Variants in RASA2 observed in about 807,000 individuals in gnomAD.
RASA2 encodes ras GTPase-activating protein 2.
RASA2 carries 155 observed loss-of-function variants against 118.2 expected under a neutral mutation model. The ratio of observed to expected loss-of-function variants is 1.31; its 90% CI spans 1.15 to 1.50. The LOEUF (loss-of-function observed/expected upper bound fraction) is 1.50. RASA2 is among the 40% of genes most tolerant of loss of function. The pLI, the probability that RASA2 is intolerant of heterozygous loss-of-function variation, is 0.00. For synonymous variants in RASA2, 353 were observed against 349.1 expected (o/e 1.01, Z -0.12); for missense variants, 1,016 against 1,009.6 (o/e 1.01, Z -0.09).
At chr3:141,542,398 A>G (rs975334763) in intron 5 of RASA2, among the ~76,000 whole-genome samples, 1 of 152,182 alleles carries the variant, frequency 6.6e-6, no homozygotes, top group African/African-American at 2.4e-5. Context: ...ATAATTTGGT[A>G]GATACTGTTA....
chr3:141,608,594 CA>C lies in RASA2; in HGVS notation c.2126del (p.Asn709ThrfsTer12). ...ACTCTGCAGGGTGAGCCGATGCAATCAAAACAGGCTCAGTTTTTATCATCCC... is the reference window on the plus strand; with the variant it reads ...ACTCTGCAGGGTGAGCCGATGCAATCAAACAGGCTCAGTTTTTATCATCCC... The part of the protein sequence containing the change: ...DVLCRVSRCN[Q>X]NRLSFYHPSV... On this transcript the variant is annotated frameshift_variant, in exon 21 of 24. Transcript: ENST00000286364. LOFTEE classifies it high-confidence loss of function. 1 of 1,613,882 alleles carries C rather than the reference CA, an allele frequency of 6.2e-7. No individual in the cohort carries two copies. The highest frequency in any genetic ancestry group is 8.5e-7 in the Non-Finnish European group (1 of 1,179,802).
chr3:141,537,394 G>T (rs1208346681), intron 4 of RASA2, among the ~76,000 whole-genome samples: 1 of 152,072 alleles, frequency 6.6e-6, no homozygotes, highest in East Asian at 1.9e-4. Context: ...TTATTGCTTA[G>T]TTCTAACTTT....
At chr3:141,596,451 A>C (rs1263884260) in intron 19 of RASA2, among the ~76,000 whole-genome samples, 3 of 152,210 alleles carry the variant, frequency 2.0e-5, no homozygotes, top group Non-Finnish European at 4.4e-5. Flanking sequence ...TACATAACTA[A>C]ATGTATGGTC....
chr3:141,573,951 T>C lies in RASA2; in HGVS notation c.1367T>C (p.Leu456Pro). The change falls in exon 14 of 24, where the codon CTG (leucine) becomes CCG (proline). Residue 456 changes from leucine (L) to proline (P), a missense_variant. Transcript: ENST00000286364. ...CCTTTTTAAATCCTGCAGGAGAATC[T>C]GCGCTACTATGTAGACAAGTTATTC... ...GDNVENNKEN[L>P]RYYVDKLFNT... 6.3e-7 allele frequency: 1 copy of C among 1,579,986 alleles called. No homozygotes were observed.
At chr3:141,602,705 A>G (rs1484356470) in intron 19 of RASA2, among the ~76,000 whole-genome samples, 1 of 152,162 alleles carries the variant, frequency 6.6e-6, no homozygotes, top group African/African-American at 2.4e-5. Flanking sequence ...GCCTCACCTG[A>G]ACTTGATTAG....
intron 11 of RASA2, among the ~76,000 whole-genome samples, 180 bp downstream of exon 11, chr3:141,571,734 C>T (rs1416171237): frequency 6.6e-6 from 1 of 152,054 alleles, no homozygotes; most frequent in Non-Finnish European, 1.5e-5. Context: ...ATTCACCTAC[C>T]TTAAGGACAA....
chr3:141,593,382 G>C (rs936659151), intron 19 of RASA2, among the ~76,000 whole-genome samples: 6 of 151,930 alleles, frequency 3.9e-5, no homozygotes, highest in African/African-American at 1.5e-4. Context: ...CCCCTTGAAA[G>C]CACTCCCAGT....
At chr3:141,490,247 G>A (rs1226027662) in intron 1 of RASA2, among the ~76,000 whole-genome samples, 1 of 147,002 alleles carries the variant, frequency 6.8e-6, no homozygotes, top group Non-Finnish European at 1.5e-5. Flanking sequence ...GGGTGTACTC[G>A]ACTCCATTCT....
At chr3:141,511,738 CTT>C (rs2081953748) in intron 1 of RASA2, among the ~76,000 whole-genome samples, 1 of 151,878 alleles carries the variant, frequency 6.6e-6, no homozygotes, top group African/African-American at 2.4e-5. Context: ...GTTTTTTTTC[CTT>C]TTCTTTTTGT....
At chr3:141,495,432 TAAAG>T (rs1379194298) in intron 1 of RASA2, among the ~76,000 whole-genome samples, 1 of 151,928 alleles carries the variant, frequency 6.6e-6, no homozygotes, top group Non-Finnish European at 1.5e-5. Flanking sequence ...ATTAGAAAAA[TAAAG>T]GATACGAATA....
intron 4 of RASA2, among the ~76,000 whole-genome samples, chr3:141,537,605 C>T (rs2082346064): frequency 6.6e-6 from 1 of 152,060 alleles, no homozygotes; most frequent in African/African-American, 2.4e-5. Flanking sequence ...CGTGTCTCTA[C>T]TAAAAATACA....
At chr3:141,528,362 T>C (rs943475299) in intron 3 of RASA2, among the ~76,000 whole-genome samples, 39 of 151,942 alleles carry the variant, frequency 2.6e-4, no homozygotes, top group African/African-American at 9.4e-4. Context: ...ATTCACCCTT[T>C]TAAGGTATAC....
At chr3:141,575,499 G>T (rs764333582) in intron 14 of RASA2, among the ~76,000 whole-genome samples, 4 of 152,210 alleles carry the variant, frequency 2.6e-5, no homozygotes, top group Non-Finnish European at 4.4e-5. Context: ...CACAGTGTTA[G>T]TGTGTTAGCC....
chr3:141,496,217 A>G (rs1018294727), intron 1 of RASA2, among the ~76,000 whole-genome samples: 4 of 152,338 alleles, frequency 2.6e-5, no homozygotes, highest in African/African-American at 9.6e-5. Context: ...TAAAAACCCT[A>G]GAAGAAAACC....
chr3:141,604,247 T>C (rs1021131231), intron 19 of RASA2, among the ~76,000 whole-genome samples: 3 of 152,234 alleles, frequency 2.0e-5, no homozygotes, highest in Admixed American at 6.5e-5. Context: ...TTGTGTTTTC[T>C]ATTTACTAGT....
intron 5 of RASA2, among the ~76,000 whole-genome samples, chr3:141,552,537 A>T (rs114512562): frequency 6.6e-6 from 1 of 152,188 alleles, no homozygotes; most frequent in African/African-American, 2.4e-5. Context: ...GTGAAAGTGC[A>T]TAGTAAACTG....
intron 5 of RASA2, among the ~76,000 whole-genome samples, chr3:141,541,883 T>C (rs2082410376): frequency 6.6e-6 from 1 of 152,082 alleles, no homozygotes; most frequent in Admixed American, 6.5e-5. Context: ...TTTGCAGCTT[T>C]TTCTCCACAG....
At chr3:141,584,188 G>T (rs1013311905) in intron 17 of RASA2, among the ~76,000 whole-genome samples, 3 of 151,666 alleles carry the variant, frequency 2.0e-5, no homozygotes, top group African/African-American at 7.3e-5. Context: ...AAAATTAGCC[G>T]GGCATGGTGG....
intron 5 of RASA2, 31 bp from the exon 6 acceptor site, chr3:141,553,826 A>G (rs767047306): frequency 1.9e-6 from 3 of 1,585,272 alleles, no homozygotes; most frequent in East Asian, 4.5e-5. Flanking sequence ...ACTGGAATCT[A>G]ATATGTTAAA....
Sources: gnomAD v4.1 joint callset for allele counts (sites outside exome capture counted in the v4.1 genomes callset) on GRCh38, gnomAD v4.1.1 for gene constraint, MANE v1.5 for transcripts, NCBI Gene and HGNC (gene_info 2026-07-23, HGNC 2026-07-21) for gene names.